Variants in KLHL13 observed in about 807,000 individuals in gnomAD.
KLHL13 encodes kelch-like protein 13.
KLHL13 carries 10 observed loss-of-function variants against 37.1 expected under a neutral mutation model. The observed-to-expected ratio is 0.27, with a 90% CI of 0.17 to 0.46. The LOEUF (loss-of-function observed/expected upper bound fraction) is 0.46, where lower values mean the gene tolerates loss of function less well. Among genes scored for constraint, KLHL13 ranks in the 20% least tolerant of loss-of-function variants. The pLI is 1.00. For missense variants in KLHL13, 360 were observed against 509.3 expected, an observed-to-expected ratio of 0.71 and a Z score of 2.82; for synonymous variants, 163 against 181.2, an observed-to-expected ratio of 0.90 and a Z score of 0.81.
intron 1 of KLHL13, among the ~76,000 whole-genome samples, chrX:118,031,791 G>A (rs956457401): frequency 6.5e-5 from 7 of 107,539 alleles, no homozygotes; most frequent in Admixed American, 2.1e-4. Flanking sequence ...CGTGAGTGAC[G>A]CAGAAGACAG....
intron 2 of KLHL13, among the ~76,000 whole-genome samples, chrX:117,944,725 C>G (rs761288847): frequency 9.0e-6 from 1 of 111,578 alleles, no homozygotes; most frequent in South Asian, 3.8e-4. Context: ...CCATATTGCT[C>G]TCTAATTCAG....
chrX:118,022,652 A>G (rs772203692), intron 1 of KLHL13, among the ~76,000 whole-genome samples: 2 of 112,111 alleles, frequency 1.8e-5, no homozygotes, highest in Non-Finnish European at 3.8e-5. Context: ...AAATATATCT[A>G]TTCAGGTCCT....
intron 1 of KLHL13, among the ~76,000 whole-genome samples, chrX:118,000,404 TATAA>T (rs1420939822): frequency 7.1e-5 from 8 of 112,003 alleles, no homozygotes; most frequent in Non-Finnish European, 1.3e-4. Flanking sequence ...ATCCAAAGAT[TATAA>T]CCAACAGCAA....
intron 1 of KLHL13, among the ~76,000 whole-genome samples, chrX:118,031,790 C>T (rs1020960576): frequency 1.9e-5 from 2 of 107,367 alleles, no homozygotes; most frequent in South Asian, 8.0e-4. Flanking sequence ...GCGTGAGTGA[C>T]GCAGAAGACA....
At chrX:117,975,028 T>A (rs184948568), upstream of KLHL13, among the ~76,000 whole-genome samples, 1 of 111,890 alleles carries the variant, frequency 8.9e-6, no homozygotes, top group East Asian at 2.8e-4. Context: ...TAAAAGTTTT[T>A]TTTAACCTGC....
intron 1 of KLHL13, among the ~76,000 whole-genome samples, chrX:118,085,611 G>T (rs979900123): frequency 1.8e-5 from 2 of 109,966 alleles, no homozygotes; most frequent in African/African-American, 6.6e-5. Flanking sequence ...TGAGATTCCA[G>T]TGTCCATGAT....
intron 1 of KLHL13, among the ~76,000 whole-genome samples, chrX:117,987,368 G>A (rs1482626537): frequency 3.6e-5 from 4 of 111,526 alleles, no homozygotes; most frequent in Non-Finnish European, 7.5e-5. Context: ...CTCCAAGGGT[G>A]AGCTTTAATA....
chrX:118,038,946 T>C (rs2054478877), intron 1 of KLHL13, among the ~76,000 whole-genome samples: 1 of 111,644 alleles, frequency 9.0e-6, no homozygotes, highest in African/African-American at 3.3e-5. Context: ...GTCTTGCAAC[T>C]TGCATACTAG....
chrX:117,957,224 A>G (rs767571037), intron 1 of KLHL13, among the ~76,000 whole-genome samples: 73 of 111,358 alleles, frequency 6.6e-4, no homozygotes, highest in Non-Finnish European at 1.3e-3. Flanking sequence ...CCTGGATTTA[A>G]TTATAATTTT....
intron 1 of KLHL13, among the ~76,000 whole-genome samples, chrX:117,994,685 T>C (rs1181289042): frequency 1.8e-5 from 2 of 112,249 alleles, no homozygotes; most frequent in African/African-American, 3.2e-5. Flanking sequence ...ATTTATAGAT[T>C]TGGCTTATCA....
chrX:118,082,166 A>G (rs1361587399), intron 1 of KLHL13, among the ~76,000 whole-genome samples: 2 of 111,005 alleles, frequency 1.8e-5, no homozygotes, highest in African/African-American at 3.3e-5. Context: ...AGATCTATTT[A>G]GATTTTTTTA....
Position 117,985,614 on chromosome X carries a change from G to T in KLHL13, c.-55-40039C>A, listed in dbSNP as rs187818489. 1.5e-3 allele frequency among the ~76,000 whole-genome samples: 165 copies of T among 110,511 alleles called. 2 individuals carry two copies. Among genetic ancestry groups the T allele is most frequent in the African/African-American group, 5.3e-3 (160 of 30,467 alleles). On this transcript the variant is annotated intron_variant, in intron 1 of 6. Transcript: ENST00000371882. ...CTGGTAAACTGAACAGGAACAAAGT[G>T]TTCATCTTTGGAGCAAAGGTGGAGT... is the stretch of plus-strand genomic sequence containing the variant.
In KLHL13 at chrX:117,898,961, G is replaced by C. The variant is rs770900697; in HGVS notation, c.1915C>G (p.Pro639Ala). Residue 639 changes from proline to alanine, a missense_variant, in exon 7 of 7, where the codon CCA becomes GCA. Physicochemically the swap from Pro to Ala is conservative, Grantham distance 27. This residue lies in a region of KLHL13 where 166 missense variants were observed against 284.3 expected (regional missense o/e 0.58). Transcript: ENST00000262820. ...GAAGGTGATGGTGTGGTTTCTTCTGGTGGAAAAACTGTGAGTGTGCAAGCA... is the reference window on the plus strand; with the variant it reads ...GAAGGTGATGGTGTGGTTTCTTCTGCTGGAAAAACTGTGAGTGTGCAAGCA... 4.1e-6 allele frequency: 5 copies of C among 1,208,907 alleles called. No homozygotes were observed. Among genetic ancestry groups the C allele is most frequent in the Non-Finnish European group, 4.5e-6 (4 of 894,184 alleles).
intron 2 of KLHL13, among the ~76,000 whole-genome samples, chrX:117,938,962 T>G (rs776078306): frequency 9.0e-6 from 1 of 110,709 alleles, no homozygotes; most frequent in East Asian, 2.9e-4. Context: ...TTTTTATACT[T>G]AAAGTTCTGG....
exon 5 of KLHL13, chrX:117,909,930 C>T (rs1417915902): frequency 8.3e-7 from 1 of 1,210,161 alleles, no homozygotes; most frequent in African/African-American, 1.7e-5. Context: ...AAGGCTATTA[C>T]TGGAAAGCAC....
chrX:117,989,422 A>G (rs142565644), intron 1 of KLHL13, among the ~76,000 whole-genome samples: 5,851 of 108,297 alleles, frequency 0.054, 402 homozygotes, highest in African/African-American at 0.18. Flanking sequence ...TAATATTTAT[A>G]TTAATATTCA....
intron 1 of KLHL13, among the ~76,000 whole-genome samples, chrX:118,102,845 T>C (rs1324424952): frequency 9.0e-6 from 1 of 111,396 alleles, no homozygotes; most frequent in African/African-American, 3.3e-5. Context: ...TGTGAAGTAA[T>C]AGTTTATGAG....
chrX:118,036,276 G>T (rs967301999), intron 1 of KLHL13, among the ~76,000 whole-genome samples: 1 of 111,142 alleles, frequency 9.0e-6, no homozygotes, highest in Non-Finnish European at 1.9e-5. Context: ...AAAAGAGCCC[G>T]CATCACCAAG....
chrX:118,059,212 T>C (rs1375986871), intron 1 of KLHL13, among the ~76,000 whole-genome samples: 3 of 111,648 alleles, frequency 2.7e-5, no homozygotes, highest in Admixed American at 9.5e-5. Context: ...ATGACAGCCA[T>C]GAGTCAGCAG....
Sources: allele counts gnomAD v4.1 joint callset (sites outside exome capture counted in the v4.1 genomes callset), GRCh38; gene constraint gnomAD v4.1.1; regional missense constraint gnomAD v4.1.1; transcripts MANE v1.5; gene names NCBI Gene and HGNC (gene_info 2026-07-23, HGNC 2026-07-21).